SPAG16: variants seen among roughly 807,000 people sequenced by gnomAD.
The protein encoded by SPAG16 is sperm associated antigen 16, also known as sperm-associated antigen 16 protein.
SPAG16 carries 86 observed loss-of-function variants against 80.4 expected under a neutral mutation model. The ratio of observed to expected loss-of-function variants is 1.07; its 90% CI spans 0.90 to 1.28. The LOEUF is 1.28. Ranked by LOEUF, SPAG16 falls within the 50% of genes most tolerant of loss-of-function variation. The pLI, the probability that SPAG16 is intolerant of heterozygous loss-of-function variation, is 0.00. For synonymous variants in SPAG16, 294 were observed against 265.9 expected (o/e 1.11, Z -1.03); for missense variants, 870 against 765.3 (o/e 1.14, Z -1.61).
At chr2:214,138,583 A>C (rs112411073) in intron 14 of SPAG16, among the ~76,000 whole-genome samples, 1,829 of 152,256 alleles carry the variant, frequency 0.012, 23 homozygotes, top group Middle Eastern at 0.034. Context: ...CCTAGACTTC[A>C]GACTGAGCAG....
At chr2:213,294,060 C>T (rs72935148) in intron 1 of SPAG16, among the ~76,000 whole-genome samples, 31,781 of 152,060 alleles carry the variant, frequency 0.21, 4,307 homozygotes, top group Non-Finnish European at 0.31. Flanking sequence ...GTTTGTGCAA[C>T]GTTGATGAAC....
At chr2:213,920,116 C>G (rs984853375) in intron 11 of SPAG16, among the ~76,000 whole-genome samples, 4 of 149,278 alleles carry the variant, frequency 2.7e-5, no homozygotes, top group Non-Finnish European at 5.9e-5. Flanking sequence ...CTGCTTTTCT[C>G]TGTTTTCCAT....
chr2:213,604,113 A>T (rs1345363820), intron 10 of SPAG16, among the ~76,000 whole-genome samples: 1 of 151,994 alleles, frequency 6.6e-6, no homozygotes, highest in East Asian at 1.9e-4. Context: ...GCTGGTCTTG[A>T]ACTCCTGACC....
intron 15 of SPAG16, among the ~76,000 whole-genome samples, chr2:214,276,336 T>C (rs1692461116): frequency 6.6e-6 from 1 of 152,234 alleles, no homozygotes; most frequent in South Asian, 2.1e-4. Flanking sequence ...ATCCTGTCAT[T>C]ATGATGTAAG....
rs188310682 is a variant in SPAG16, at chr2:213,929,414, T to C, written c.1215-546T>C. On this transcript the variant is annotated intron_variant, in intron 11 of 15. Coordinates refer to ENST00000331683, the MANE Select transcript of SPAG16 (RefSeq NM_024532.5). ...CCGAAATGCAAAATTGAATGAGTCA[T>C]GCTCAACCACCCAGCACTTAAACAT... Among the ~76,000 whole-genome samples, 412 of 152,308 alleles carry C rather than the reference T, an allele frequency of 2.7e-3. 2 individuals carry two copies. Among genetic ancestry groups the C allele is most frequent in the African/African-American group, 9.4e-3 (390 of 41,566 alleles).
intron 10 of SPAG16, among the ~76,000 whole-genome samples, chr2:213,711,909 A>G (rs549766622): frequency 6.6e-6 from 1 of 152,294 alleles, no homozygotes; most frequent in African/African-American, 2.4e-5. Flanking sequence ...TAGACATTTA[A>G]TAAATGTGAT....
rs755601981 is a variant in SPAG16 at position 213,980,268 on chromosome 2, TTC to T, written c.1401-33679_1401-33678del. Among the ~76,000 whole-genome samples, 4 of 34,080 alleles carry T rather than the reference TTC, an allele frequency of 1.2e-4. 1 individual carries two copies. The highest frequency in any genetic ancestry group is 7.7e-4 in the African/African-American group (4 of 5,168). 22.4% of individuals were successfully genotyped at this position (34,080 alleles called of 152,430 possible). A position where few individuals can be genotyped will look rare whatever the true frequency, so the allele number is the denominator to read the frequency against. On this transcript the variant is annotated intron_variant, in intron 12 of 15. Transcript: ENST00000331683. ...TATAGAATATATGTGTGTATATATA[TTC>T]TCTATATATATAGAATATATGTGTG...
At chr2:213,748,853 A>C (rs2067953344) in intron 10 of SPAG16, among the ~76,000 whole-genome samples, 1 of 152,282 alleles carries the variant, frequency 6.6e-6, no homozygotes, top group Admixed American at 6.5e-5. Context: ...TTTACCTGTT[A>C]AAAAGCCTCT....
At chr2:214,261,349 T>C (rs934880323) in intron 15 of SPAG16, among the ~76,000 whole-genome samples, 1 of 151,990 alleles carries the variant, frequency 6.6e-6, no homozygotes, top group Non-Finnish European at 1.5e-5. Flanking sequence ...ACTCCCTGAT[T>C]CTCTTCCTGT....
chr2:213,608,904 C>T (rs1031988464), intron 10 of SPAG16, among the ~76,000 whole-genome samples: 2 of 152,152 alleles, frequency 1.3e-5, no homozygotes, highest in African/African-American at 4.8e-5. Flanking sequence ...GGGATGGTCT[C>T]GATCTCCTGA....
intron 15 of SPAG16, among the ~76,000 whole-genome samples, chr2:214,184,438 C>T (rs183715976): frequency 7.2e-5 from 11 of 152,112 alleles, no homozygotes; most frequent in African/African-American, 2.7e-4. Flanking sequence ...TAGCTAGGCT[C>T]ACTCATAAAA....
At chr2:214,076,671 G>T (rs2051095584) in intron 13 of SPAG16, among the ~76,000 whole-genome samples, 1 of 152,030 alleles carries the variant, frequency 6.6e-6, no homozygotes, top group African/African-American at 2.4e-5. Context: ...ATGGTAGCAA[G>T]TTACTTGACC....
At chr2:213,957,931 C>G (rs750205391) in intron 12 of SPAG16, among the ~76,000 whole-genome samples, 1 of 152,134 alleles carries the variant, frequency 6.6e-6, no homozygotes, top group Non-Finnish European at 1.5e-5. Flanking sequence ...AAAGCCCCGA[C>G]TGGGAGGAGT....
intron 9 of SPAG16, among the ~76,000 whole-genome samples, chr2:213,458,037 T>C (rs1020224269): frequency 1.3e-5 from 2 of 152,196 alleles, no homozygotes; most frequent in African/African-American, 4.8e-5. Flanking sequence ...CTAGTACTTT[T>C]ACTTCTTCCC....
chr2:213,749,889 T>G, intron 10 of SPAG16, among the ~76,000 whole-genome samples: 1 of 152,314 alleles, frequency 6.6e-6, no homozygotes, highest in Admixed American at 6.5e-5. Flanking sequence ...ATGTAGACAC[T>G]CAATAAATGT....
intron 9 of SPAG16, among the ~76,000 whole-genome samples, chr2:213,464,986 A>T (rs1365154454): frequency 6.6e-6 from 1 of 152,146 alleles, no homozygotes; most frequent in Admixed American, 6.5e-5. Context: ...CCTCAAGTGG[A>T]TCAGAAATCT....
At chr2:214,053,484 C>T (rs958774535) in intron 13 of SPAG16, among the ~76,000 whole-genome samples, 1 of 152,110 alleles carries the variant, frequency 6.6e-6, no homozygotes, top group Non-Finnish European at 1.5e-5. Flanking sequence ...ATGAGGACTT[C>T]TGTGTAGTCT....
At chr2:213,712,279 AT>A (rs1396457900) in intron 10 of SPAG16, among the ~76,000 whole-genome samples, 1 of 152,178 alleles carries the variant, frequency 6.6e-6, no homozygotes, top group Non-Finnish European at 1.5e-5. Flanking sequence ...TTCAACAAAT[AT>A]TTATGTTCAC....
intron 14 of SPAG16, among the ~76,000 whole-genome samples, chr2:214,136,155 A>G (rs1001814726): frequency 7.9e-5 from 12 of 152,250 alleles, no homozygotes; most frequent in Middle Eastern, 3.4e-3. Context: ...CTCACTCACT[A>G]CAAGAATGAT....
Sources: gnomAD v4.1 joint callset for allele counts (sites outside exome capture counted in the v4.1 genomes callset) on GRCh38, gnomAD v4.1.1 for gene constraint, MANE v1.5 for transcripts, NCBI Gene and HGNC (gene_info 2026-07-23, HGNC 2026-07-21) for gene names.